The following PTK6 variants were observed in gnomAD, a reference collection of about 807,000 sequenced individuals.
PTK6 encodes protein tyrosine kinase 6, also known as protein-tyrosine kinase 6.
Under a neutral mutation model 47.5 loss-of-function variants are expected in PTK6, and 47 were observed. That is an observed-to-expected ratio of 0.99 (90% confidence interval 0.78 to 1.26). The LOEUF (loss-of-function observed/expected upper bound fraction) is 1.26. Ranked by LOEUF, PTK6 falls within the 50% of genes most tolerant of loss-of-function variation. PTK6 has a pLI of 0.00. For missense variants in PTK6, 618 were observed against 625.3 expected, an observed-to-expected ratio of 0.99 and a Z score of 0.12; for synonymous variants, 287 against 276.5, an observed-to-expected ratio of 1.04 and a Z score of -0.38.
chr20:63,529,605 C>T lies in PTK6; in HGVS notation c.1287G>A (p.Glu429=), dbSNP rs144883780. The T allele has an allele frequency of 1.3e-5, 21 of 1,561,296 alleles. No individual in the cohort carries two copies. In the African/African-American group the frequency reaches 2.3e-4, roughly 17 times the overall value. The change falls in exon 8 of 8, where the codon GAG becomes GAA. Residue 429 remains glutamate, a synonymous_variant. Coordinates refer to ENST00000542869, the MANE Select transcript of PTK6 (RefSeq NM_005975.4). This position sits in a 1 kb window ranked among gnomAD's most constrained non-coding sequence, Gnocchi z 5.6. ...LMLTCWCRDP[E]QRPCFKALRE... is the part of the protein sequence containing the mutation. ...GCAGGGCCTTGAAGCAGGGTCTCTG[C>T]TCGGGGTCCCTGCACCAGCATGTCA...
In PTK6 at chr20:63,530,658, C is replaced by G. The variant is rs1333697963; in HGVS notation, c.1014+88G>C. The G allele has an allele frequency of 2.7e-6, 4 of 1,468,858 alleles. No homozygotes were observed. Among genetic ancestry groups the G allele is most frequent in the Non-Finnish European group, 1.8e-6 (2 of 1,084,642 alleles). The allele number at this position is 1,468,858 out of a possible 1,614,324, so 91.0% of individuals were successfully genotyped here. A position where few individuals can be genotyped will look rare whatever the true frequency, so the allele number is the denominator to read the frequency against. ...GGCAGGGGCCGCATCCTGCTCCCAG[C>G]CGAGTCCCCAGCTCCACACACAGGA... On this transcript the variant is annotated intron_variant, in intron 6 of 7. Coordinates refer to ENST00000542869, the MANE Select transcript of PTK6 (RefSeq NM_005975.4). The surrounding 1 kb of genome is among the most constrained non-coding windows in gnomAD (Gnocchi z 4.1).
Position 63,531,282 on chromosome 20 carries a change from G to A in PTK6, c.833-355C>T, listed in dbSNP as rs1014437855. Among the ~76,000 whole-genome samples, 296 of 151,416 alleles carry A rather than the reference G, an allele frequency of 2.0e-3. 1 individual carries two copies. The highest frequency in any genetic ancestry group is 3.7e-3 in the Admixed American group (56 of 15,228). ...TAAAAATACAAAAAATTAGCCGGGC[G>A]TGGTGGCGGGCGCCTGTAGTCCCAG... On this transcript the variant is annotated intron_variant, in intron 5 of 7. Coordinates refer to ENST00000542869, the MANE Select transcript of PTK6 (RefSeq NM_005975.4).
Position 63,530,945 on chromosome 20 carries a change from G to C in PTK6, c.833-18C>G. On this transcript the variant is annotated intron_variant, in intron 5 of 7. Transcript: ENST00000542869. The surrounding 1 kb of genome is among the most constrained non-coding windows in gnomAD (Gnocchi z 4.1). ...ATCAGAGTCTGCAGAGGGGAGTGGAGCAGAGCCTGGGGTCAGCTGAGCCAG... is the reference window on the plus strand; with the variant it reads ...ATCAGAGTCTGCAGAGGGGAGTGGACCAGAGCCTGGGGTCAGCTGAGCCAG... 6.3e-7 allele frequency: 1 copy of C among 1,579,708 alleles called. No homozygotes were observed. Among genetic ancestry groups the C allele is most frequent in the Non-Finnish European group, 8.6e-7 (1 of 1,163,386 alleles).
Position 63,529,454 on chromosome 20 carries a change from C to T in PTK6, c.*82G>A, listed in dbSNP as rs762098839. The T allele has an allele frequency of 1.8e-5, 25 of 1,387,988 alleles. No individual in the cohort carries two copies. The Middle Eastern group carries it at 5.5e-4, about 31-fold the overall frequency. 86.0% of individuals were successfully genotyped at this position (1,387,988 alleles called of 1,614,324 possible). A position where few individuals can be genotyped will look rare whatever the true frequency, so the allele number is the denominator to read the frequency against. ...ATCACCTCAGTAAACCCCAGGGAAG[C>T]GCGTGGGCCTTGATCCCAGGTCCAG... On this transcript the variant is annotated 3_prime_UTR_variant, in exon 8 of 8. Coordinates refer to ENST00000542869, the MANE Select transcript of PTK6 (RefSeq NM_005975.4). The surrounding 1 kb of genome is among the most constrained non-coding windows in gnomAD (Gnocchi z 5.6).
intron 5 of PTK6, among the ~76,000 whole-genome samples, chr20:63,531,142 C>G (rs541834727): frequency 3.3e-5 from 5 of 152,306 alleles, no homozygotes; most frequent in Non-Finnish European, 7.3e-5. Context: ...AAGGAGCAAG[C>G]TGGGCGTGGT....
chr20:63,536,618 C>T (rs539839214), intron 1 of PTK6, among the ~76,000 whole-genome samples: 26 of 152,214 alleles, frequency 1.7e-4, no homozygotes, highest in African/African-American at 5.3e-4. Context: ...GAAGTTTGCC[C>T]GGCAGCCGGC....
Position 63,535,037 on chromosome 20 carries a change from G to T in PTK6, c.253C>A (p.Arg85Ser). Residue 85 changes from arginine (R) to serine (S), a missense_variant, in exon 2 of 8, where the codon CGC (arginine) becomes AGC (serine). Physicochemically the swap from Arg to Ser is moderately radical, Grantham distance 110 (BLOSUM62 -1). Coordinates refer to ENST00000542869, the MANE Select transcript of PTK6 (RefSeq NM_005975.4). ...SEPWFFGCISRSEAVRRLQAE... is the reference protein window; with the variant it reads ...SEPWFFGCISSSEAVRRLQAE... ...TGCAGCCGACGCACAGCTTCCGAGC[G>T]GGAGATGCAGCCAAAGAACCACCTG... The T allele has an allele frequency of 6.2e-7, 1 of 1,603,330 alleles. No homozygotes were observed.
In PTK6 at chr20:63,529,611, G is replaced by A; in HGVS notation, c.1281C>T (p.Asp427=). Residue 427 remains aspartate (D), a synonymous_variant, in exon 8 of 8, where the codon GAC becomes GAT. Coordinates refer to ENST00000542869, the MANE Select transcript of PTK6 (RefSeq NM_005975.4). The surrounding 1 kb of genome is among the most constrained non-coding windows in gnomAD (Gnocchi z 5.6). The part of the protein sequence containing the change: ...HKLMLTCWCR[D]PEQRPCFKAL... Reference sequence around the variant, plus strand: ...CCTTGAAGCAGGGTCTCTGCTCGGGGTCCCTGCACCAGCATGTCAGCATCA... The same window carrying A: ...CCTTGAAGCAGGGTCTCTGCTCGGGATCCCTGCACCAGCATGTCAGCATCA... 6.4e-7 allele frequency: 1 copy of A among 1,559,170 alleles called. No individual in the cohort carries two copies. Among genetic ancestry groups the A allele is most frequent in the South Asian group, 1.2e-5 (1 of 84,694 alleles).
intron 5 of PTK6, among the ~76,000 whole-genome samples, chr20:63,532,152 A>C (rs954974686): frequency 7.0e-6 from 1 of 143,538 alleles, no homozygotes; most frequent in African/African-American, 2.9e-5. Flanking sequence ...TGTCTGGATC[A>C]GTGTGTGTCT....
intron 2 of PTK6, 102 bp downstream of exon 2, chr20:63,534,835 TC>T: frequency 1.4e-6 from 2 of 1,425,314 alleles, no homozygotes; most frequent in Non-Finnish European, 1.9e-6. Flanking sequence ...GGAGCCCATG[TC>T]CCCCGTCTCA....
chr20:63,534,040 C>T lies in PTK6; in HGVS notation c.516+112G>A, dbSNP rs983837873. On this transcript the variant is annotated intron_variant, in intron 3 of 7. Coordinates refer to ENST00000542869, the MANE Select transcript of PTK6 (RefSeq NM_005975.4). Reference sequence around the variant, plus strand: ...GGCTTCCCTCCAGTGGGCCCCAGGTCAGTGAGTCAGGACCCCTCCCATGCT... The same window carrying T: ...GGCTTCCCTCCAGTGGGCCCCAGGTTAGTGAGTCAGGACCCCTCCCATGCT... The T allele has an allele frequency of 4.5e-5, 61 of 1,344,110 alleles. No homozygotes were observed. In the Middle Eastern group the frequency reaches 1.1e-3, roughly 24 times the overall value. 83.3% of individuals were successfully genotyped at this position (1,344,110 alleles called of 1,614,324 possible). A position where few individuals can be genotyped will look rare whatever the true frequency, so the allele number is the denominator to read the frequency against.
rs894010928 is a variant in PTK6, at chr20:63,533,961, G to A, written c.516+191C>T. On this transcript the variant is annotated intron_variant, in intron 3 of 7. Coordinates refer to ENST00000542869, the MANE Select transcript of PTK6 (RefSeq NM_005975.4). The surrounding 1 kb of genome is among the most constrained non-coding windows in gnomAD (Gnocchi z 4.0). ...CCGAGAGTGGCCAGGCCCGGGGATG[G>A]TCTCCTGGCCCCACCCCCAACTCAG... Among the ~76,000 whole-genome samples the A allele has an allele frequency of 2.6e-5, 4 of 152,122 alleles. No individual in the cohort carries two copies. Among genetic ancestry groups the A allele is most frequent in the African/African-American group, 9.7e-5 (4 of 41,414 alleles).
chr20:63,531,023 C>G (rs2082614734), intron 5 of PTK6, 96 bp from the exon 6 acceptor site: 1 of 1,190,704 alleles, frequency 8.4e-7, no homozygotes, highest in African/African-American at 1.6e-5. Context: ...TGCCTCCAAG[C>G]TCTGCGGGCT....
chr20:63,531,420 CAAAAAAA>C (rs1157854507), intron 5 of PTK6, among the ~76,000 whole-genome samples: 7 of 45,784 alleles, frequency 1.5e-4, no homozygotes, highest in African/African-American at 8.2e-4. Flanking sequence ...GACTCCGTCT[CAAAAAAA>C]AAAAAAAAAA....
Position 63,535,037 on chromosome 20 carries a change from G to C in PTK6, c.253C>G (p.Arg85Gly), listed in dbSNP as rs371338421. 13 of 1,603,212 alleles carry C rather than the reference G, an allele frequency of 8.1e-6. No individual in the cohort carries two copies. In the South Asian group the frequency reaches 9.9e-5, roughly 12 times the overall value. The change falls in exon 2 of 8, where the codon CGC (arginine) becomes GGC (glycine). Residue 85 changes from arginine (R) to glycine (G), a missense_variant. Transcript: ENST00000542869. ...TGCAGCCGACGCACAGCTTCCGAGC[G>C]GGAGATGCAGCCAAAGAACCACCTG... ...SEPWFFGCIS[R>G]SEAVRRLQAE...
Position 63,535,000 on chromosome 20 carries a change from T to A in PTK6, c.290A>T (p.Asn97Ile), listed in dbSNP as rs1205176174. 1 of 1,609,082 alleles carries A rather than the reference T, an allele frequency of 6.2e-7. No homozygotes were observed. Among genetic ancestry groups the A allele is most frequent in the Non-Finnish European group, 8.5e-7 (1 of 1,177,858 alleles). The change falls in exon 2 of 8, where the codon AAC (asparagine) becomes ATC (isoleucine). Residue 97 changes from asparagine to isoleucine, a missense_variant. Transcript: ENST00000542869. ...CCTGATCAGGAAGGCGCCCGTGGCG[T>A]TGCCCTCGGCCTGCAGCCGACGCAC... ...EAVRRLQAEG[N>I]ATGAFLIRVS...
At chr20:63,531,315 G>A (rs1189719833) in intron 5 of PTK6, among the ~76,000 whole-genome samples, 1 of 150,612 alleles carries the variant, frequency 6.6e-6, no homozygotes, top group African/African-American at 2.4e-5. Flanking sequence ...CAGCTACTCG[G>A]GAGGCTGAGG....
rs138561159 is a variant in PTK6 at position 63,534,993 on chromosome 20, C to T, written c.297G>A (p.Thr99=). ...CGCTGACCCTGATCAGGAAGGCGCC[C>T]GTGGCGTTGCCCTCGGCCTGCAGCC... ...VRRLQAEGNA[T]GAFLIRVSEK... Residue 99 remains threonine, a synonymous_variant, in exon 2 of 8, where the codon ACG becomes ACA. Transcript: ENST00000542869. 2.0e-4 allele frequency: 329 copies of T among 1,608,636 alleles called. 1 individual carries two copies. The African/African-American group carries it at 3.7e-3, about 18-fold the overall frequency.
In PTK6 at chr20:63,529,453, G is replaced by T. The variant is rs2082601124; in HGVS notation, c.*83C>A. On this transcript the variant is annotated 3_prime_UTR_variant, in exon 8 of 8. Transcript: ENST00000542869. The surrounding 1 kb of genome is among the most constrained non-coding windows in gnomAD (Gnocchi z 5.6). ...CATCACCTCAGTAAACCCCAGGGAAGCGCGTGGGCCTTGATCCCAGGTCCA... is the reference window on the plus strand; with the variant it reads ...CATCACCTCAGTAAACCCCAGGGAATCGCGTGGGCCTTGATCCCAGGTCCA... 5.8e-6 allele frequency: 8 copies of T among 1,387,248 alleles called. No individual in the cohort carries two copies. Among genetic ancestry groups the T allele is most frequent in the Non-Finnish European group, 7.6e-6 (8 of 1,048,100 alleles). 85.9% of individuals were successfully genotyped at this position (1,387,248 alleles called of 1,614,324 possible).
Sources: gnomAD v4.1 joint callset for allele counts (sites outside exome capture counted in the v4.1 genomes callset) on GRCh38, gnomAD v4.1.1 for gene constraint, Gnocchi (gnomAD v3.1) non-coding constraint, MANE v1.5 for transcripts, NCBI Gene and HGNC (gene_info 2026-07-23, HGNC 2026-07-21) for gene names.